The following SGIP1 variants were observed in gnomAD, a reference collection of about 807,000 sequenced individuals.
SGIP1 encodes SH3-containing GRB2-like protein 3-interacting protein 1.
SGIP1 carries 38 observed loss-of-function variants against 107.5 expected under a neutral mutation model. The observed-to-expected ratio is 0.35, with a 90% CI of 0.27 to 0.46. The LOEUF is 0.46. Among genes scored for constraint, SGIP1 ranks in the 20% least tolerant of loss-of-function variants. The pLI, the probability that SGIP1 is intolerant of heterozygous loss-of-function variation, is 1.00. For missense variants in SGIP1, 929 were observed against 1,019.5 expected, an observed-to-expected ratio of 0.91 and a Z score of 1.21; for synonymous variants, 365 against 366.1, an observed-to-expected ratio of 1.00 and a Z score of 0.03.
chr1:66,534,461 C>T (rs2053086423), intron 1 of SGIP1, 93 bp downstream of exon 1: 1 of 1,447,048 alleles, frequency 6.9e-7, no homozygotes, highest in Non-Finnish European at 9.7e-7. Flanking sequence ...TGTGGCGGTT[C>T]TAGAACCTGG....
chr1:66,619,807 T>A (rs533639107), intron 1 of SGIP1, among the ~76,000 whole-genome samples: 21 of 152,266 alleles, frequency 1.4e-4, no homozygotes, highest in Middle Eastern at 3.4e-3. Context: ...GGGACTCAGC[T>A]CCAGGAGTGT....
At chr1:66,650,564 C>T (rs2078550483) in intron 7 of SGIP1, among the ~76,000 whole-genome samples, 1 of 152,096 alleles carries the variant, frequency 6.6e-6, no homozygotes, top group African/African-American at 2.4e-5. Context: ...TTCCCCCTGG[C>T]CTCCATTTCT....
intron 13 of SGIP1, 72 bp downstream of exon 13, chr1:66,677,168 G>A (rs2085577320): frequency 8.2e-7 from 1 of 1,220,998 alleles, no homozygotes; most frequent in Non-Finnish European, 1.2e-6. Context: ...AGTGAAATTA[G>A]GCAACTCTTA....
chr1:66,641,570 G>T (rs181659549), intron 5 of SGIP1, among the ~76,000 whole-genome samples: 1 of 152,106 alleles, frequency 6.6e-6, no homozygotes, highest in East Asian at 1.9e-4. Context: ...CATTTGTTGG[G>T]TGTGTTTCCT....
intron 7 of SGIP1, among the ~76,000 whole-genome samples, chr1:66,658,816 G>A (rs569054281): frequency 2.0e-5 from 3 of 152,302 alleles, no homozygotes; most frequent in South Asian, 4.1e-4. Context: ...TTGAACAAAA[G>A]GAATGGGTCA....
intron 1 of SGIP1, among the ~76,000 whole-genome samples, chr1:66,575,344 T>G (rs2060915652): frequency 6.6e-6 from 1 of 152,306 alleles, no homozygotes; most frequent in Admixed American, 6.5e-5. Context: ...CCCATTTCAT[T>G]TGGCCAACTT....
chr1:66,561,856 G>A (rs1188884284), intron 1 of SGIP1, among the ~76,000 whole-genome samples: 1 of 151,972 alleles, frequency 6.6e-6, no homozygotes, highest in African/African-American at 2.4e-5. Flanking sequence ...TGTTTTATTA[G>A]TACTCATTTC....
intron 21 of SGIP1, 40 bp downstream of exon 21, chr1:66,733,920 A>T (rs746095050): frequency 2.4e-5 from 38 of 1,580,384 alleles, no homozygotes; most frequent in East Asian, 1.8e-4. Context: ...TCCACATGAC[A>T]TATTTGTTTT....
intron 8 of SGIP1, among the ~76,000 whole-genome samples, chr1:66,661,155 C>A (rs565021031): frequency 1.3e-5 from 2 of 152,252 alleles, no homozygotes; most frequent in South Asian, 4.1e-4. Context: ...TATTTTAGAG[C>A]AACACGAGGA....
At chr1:66,729,693 C>T (rs1379628507) in intron 20 of SGIP1, among the ~76,000 whole-genome samples, 1 of 152,220 alleles carries the variant, frequency 6.6e-6, no homozygotes, top group African/African-American at 2.4e-5. Context: ...GTATCAGCAA[C>T]AGTTTGTTCA....
At chr1:66,742,715 C>G (rs981743610) in intron 24 of SGIP1, among the ~76,000 whole-genome samples, 1 of 148,724 alleles carries the variant, frequency 6.7e-6, no homozygotes, top group Non-Finnish European at 1.5e-5. Flanking sequence ...GTGATCCGCC[C>G]GCCTCGGCCT....
At position 66,735,171 on chromosome 1, in the gene SGIP1, A is replaced by G. The variant is rs138497035; in HGVS notation, c.2031+1291A>G. On this transcript the variant is annotated intron_variant, in intron 21 of 24. Coordinates refer to ENST00000371037, the MANE Select transcript of SGIP1 (RefSeq NM_032291.4). ...AACCACCATTCTACTCTCTAATTCTATAAGATCAACTTTTATTTTTATGTT... is the reference window on the plus strand; with the variant it reads ...AACCACCATTCTACTCTCTAATTCTGTAAGATCAACTTTTATTTTTATGTT... Among the ~76,000 whole-genome samples, 243 of 141,898 alleles carry G rather than the reference A, an allele frequency of 1.7e-3. 6 individuals are homozygous for G. The East Asian group carries it at 0.043, about 25-fold the overall frequency. 93.1% of individuals were successfully genotyped at this position (141,898 alleles called of 152,430 possible).
intron 1 of SGIP1, among the ~76,000 whole-genome samples, chr1:66,538,244 C>T (rs1304319926): frequency 6.6e-6 from 1 of 152,026 alleles, no homozygotes; most frequent in African/African-American, 2.4e-5. Flanking sequence ...GAAGCTGGAG[C>T]TGTTCATTTT....
chr1:66,656,071 TTATACTC>T (rs760089519), intron 7 of SGIP1, among the ~76,000 whole-genome samples: 8 of 152,168 alleles, frequency 5.3e-5, no homozygotes, highest in Admixed American at 3.3e-4. Flanking sequence ...GTTAAATTCT[TTATACTC>T]TATTCTACAA....
chr1:66,731,754 G>T (rs2094020624), intron 20 of SGIP1, among the ~76,000 whole-genome samples: 2 of 152,148 alleles, frequency 1.3e-5, no homozygotes, highest in Admixed American at 1.3e-4. Flanking sequence ...CCAGCCTTTA[G>T]TGTCTATCAT....
intron 1 of SGIP1, among the ~76,000 whole-genome samples, chr1:66,538,651 G>T (rs1331931831): frequency 1.3e-5 from 2 of 152,116 alleles, no homozygotes; most frequent in African/African-American, 2.4e-5. Flanking sequence ...TTGTGAGCTG[G>T]TTACTTGGAA....
chr1:66,627,439 A>C (rs571087052), intron 2 of SGIP1, among the ~76,000 whole-genome samples: 4 of 152,298 alleles, frequency 2.6e-5, no homozygotes, highest in African/African-American at 9.6e-5. Flanking sequence ...AAGGCTGGAA[A>C]GGAGACCAGG....
intron 18 of SGIP1, among the ~76,000 whole-genome samples, chr1:66,713,304 AAG>A (rs1311020522): frequency 6.6e-6 from 1 of 152,158 alleles, no homozygotes; most frequent in East Asian, 1.9e-4. Flanking sequence ...GGTATGCAGT[AAG>A]AGATAGAAAT....
At chr1:66,684,033 C>T in intron 15 of SGIP1, 1 of 1,536,086 alleles carries the variant, frequency 6.5e-7, no homozygotes, top group Non-Finnish European at 8.8e-7. Context: ...GCTTTTTGGC[C>T]CTAAATGCTT....
Sources: allele counts gnomAD v4.1 joint callset (sites outside exome capture counted in the v4.1 genomes callset), GRCh38; gene constraint gnomAD v4.1.1; transcripts MANE v1.5; gene names NCBI Gene and HGNC (gene_info 2026-07-23, HGNC 2026-07-21).